The following BRINP3 variants were observed in gnomAD, a reference collection of about 807,000 sequenced individuals.
BRINP3 encodes the protein BMP/retinoic acid inducible neural specific 3.
BRINP3 carries 19 observed loss-of-function variants against 71.0 expected under a neutral mutation model. The observed-to-expected ratio is 0.27, with a 90% CI of 0.19 to 0.39. BRINP3 has a LOEUF of 0.39. Ranked by LOEUF, BRINP3 falls within the 10% of genes least tolerant of loss-of-function variation. BRINP3 has a pLI of 1.00. For missense variants in BRINP3, 959 were observed against 940.8 expected (o/e 1.02, Z -0.25); for synonymous variants, 380 against 337.7 (o/e 1.13, Z -1.37).
chr1:190,321,060 A>T (rs888689706), intron 2 of BRINP3, among the ~76,000 whole-genome samples: 3 of 152,074 alleles, frequency 2.0e-5, no homozygotes, highest in Non-Finnish European at 4.4e-5. Context: ...TAAGAGACAG[A>T]TGTTAAGAAA....
intron 7 of BRINP3, among the ~76,000 whole-genome samples, chr1:190,141,038 T>C (rs1655388891): frequency 2.0e-5 from 3 of 152,226 alleles, no homozygotes; most frequent in South Asian, 4.1e-4. Context: ...TGCAGAATTA[T>C]ACACTGACTC....
chr1:190,147,440 T>C (rs544635969), intron 7 of BRINP3, among the ~76,000 whole-genome samples: 2 of 152,254 alleles, frequency 1.3e-5, no homozygotes, highest in South Asian at 4.1e-4. Flanking sequence ...TTTTCAGAAC[T>C]AGAGTTTATA....
intron 7 of BRINP3, among the ~76,000 whole-genome samples, chr1:190,136,039 A>G (rs970112685): frequency 6.6e-6 from 1 of 151,978 alleles, no homozygotes; most frequent in Non-Finnish European, 1.5e-5. Context: ...GTGTGAGTGT[A>G]TTTGTGTAGC....
At chr1:190,379,864 T>C (rs1240719781) in intron 2 of BRINP3, among the ~76,000 whole-genome samples, 1 of 151,608 alleles carries the variant, frequency 6.6e-6, no homozygotes, top group Non-Finnish European at 1.5e-5. Flanking sequence ...CTGGGTGTGG[T>C]GGTGTGCACC....
At chr1:190,285,623 A>G (rs1157579337) in intron 2 of BRINP3, among the ~76,000 whole-genome samples, 4 of 152,044 alleles carry the variant, frequency 2.6e-5, no homozygotes, top group Admixed American at 6.6e-5. Context: ...ATAATCTAGT[A>G]TATCATTATT....
intron 7 of BRINP3, among the ~76,000 whole-genome samples, chr1:190,158,549 A>T (rs1408533469): frequency 6.6e-6 from 1 of 151,890 alleles, no homozygotes; most frequent in Non-Finnish European, 1.5e-5. Flanking sequence ...CATACCTCAA[A>T]CCTCAGCATC....
intron 2 of BRINP3, among the ~76,000 whole-genome samples, chr1:190,391,873 C>G (rs1671270947): frequency 6.6e-6 from 1 of 151,742 alleles, no homozygotes; most frequent in Non-Finnish European, 1.5e-5. Context: ...ACTGTGCATT[C>G]AATACCCGAA....
intron 6 of BRINP3, among the ~76,000 whole-genome samples, chr1:190,207,230 T>C (rs951569245): frequency 3.3e-5 from 5 of 152,104 alleles, no homozygotes; most frequent in Non-Finnish European, 5.9e-5. Flanking sequence ...GTTTTAACAA[T>C]TGAGGCAAGA....
chr1:190,418,395 G>A (rs1169544567), intron 2 of BRINP3, among the ~76,000 whole-genome samples: 2 of 151,920 alleles, frequency 1.3e-5, no homozygotes, highest in Non-Finnish European at 2.9e-5. Context: ...GTCACATTAC[G>A]TTTGTGACCC....
At chr1:190,257,960 A>G (rs1660820839) in intron 4 of BRINP3, among the ~76,000 whole-genome samples, 1 of 152,156 alleles carries the variant, frequency 6.6e-6, no homozygotes, top group Admixed American at 6.5e-5. Flanking sequence ...TTGAGGAGGC[A>G]ATCTGTCCAT....
intron 3 of BRINP3, among the ~76,000 whole-genome samples, chr1:190,276,202 T>G (rs1442761059): frequency 6.6e-6 from 1 of 151,662 alleles, no homozygotes; most frequent in Non-Finnish European, 1.5e-5. Context: ...ATTATTCATA[T>G]TTCTTTAAGA....
intron 2 of BRINP3, among the ~76,000 whole-genome samples, chr1:190,387,830 A>G (rs1230286940): frequency 6.6e-6 from 1 of 151,808 alleles, no homozygotes; most frequent in Non-Finnish European, 1.5e-5. Context: ...ACAAATTTAT[A>G]TCTTCACTCT....
chr1:190,267,320 A>C (rs182775592), intron 3 of BRINP3, among the ~76,000 whole-genome samples: 416 of 152,224 alleles, frequency 2.7e-3, no homozygotes, highest in Non-Finnish European at 3.3e-3. Flanking sequence ...GCAATAAAAA[A>C]CCTAAAAGTT....
intron 1 of BRINP3, among the ~76,000 whole-genome samples, chr1:190,460,771 T>C (rs1435562777): frequency 6.6e-6 from 1 of 152,186 alleles, no homozygotes; most frequent in East Asian, 1.9e-4. Flanking sequence ...CTTATCTCAC[T>C]AAATGATACT....
At chr1:190,437,764 A>G (rs1034837700) in intron 2 of BRINP3, among the ~76,000 whole-genome samples, 5 of 151,780 alleles carry the variant, frequency 3.3e-5, no homozygotes, top group Non-Finnish European at 7.4e-5. Flanking sequence ...TAACTGTTAA[A>G]TACTGTTAAA....
intron 6 of BRINP3, among the ~76,000 whole-genome samples, chr1:190,174,822 A>G (rs1368304658): frequency 6.6e-6 from 1 of 152,112 alleles, no homozygotes; most frequent in Non-Finnish European, 1.5e-5. Flanking sequence ...GCTTTTTTCT[A>G]CAGATTGTCT....
chr1:190,269,861 A>T (rs551326152), intron 3 of BRINP3, among the ~76,000 whole-genome samples: 4 of 152,130 alleles, frequency 2.6e-5, no homozygotes, highest in African/African-American at 9.6e-5. Flanking sequence ...TATATCAATA[A>T]TCTACTCCAC....
chr1:190,425,290 C>A (rs1673630059), intron 2 of BRINP3, among the ~76,000 whole-genome samples: 1 of 151,648 alleles, frequency 6.6e-6, no homozygotes, highest in Non-Finnish European at 1.5e-5. Flanking sequence ...GAAAAGAGAT[C>A]TATACTTGTA....
intron 3 of BRINP3, among the ~76,000 whole-genome samples, chr1:190,273,727 C>T (rs116482159): frequency 0.013 from 1,911 of 151,478 alleles, 24 homozygotes; most frequent in South Asian, 0.048. Flanking sequence ...ATTAAAGAAC[C>T]TTCATACTGT....
Sources: gnomAD v4.1 joint callset for allele counts (sites outside exome capture counted in the v4.1 genomes callset) on GRCh38, gnomAD v4.1.1 for gene constraint, MANE v1.5 for transcripts, NCBI Gene and HGNC (gene_info 2026-07-23, HGNC 2026-07-21) for gene names.